MTOR: variants seen among roughly 807,000 people sequenced by gnomAD.
MTOR encodes the protein mechanistic target of rapamycin kinase.
Under a neutral mutation model 319.8 loss-of-function variants are expected in MTOR, and 70 were observed. The observed-to-expected ratio is 0.22, with a 90% CI of 0.18 to 0.27. The LOEUF (loss-of-function observed/expected upper bound fraction) is 0.27, where lower values mean the gene tolerates loss of function less well. MTOR is among the 10% of genes least tolerant of loss of function. The pLI is 1.00. For synonymous variants in MTOR, 1,183 were observed against 1,211.4 expected, an observed-to-expected ratio of 0.98 and a Z score of 0.49; for missense variants, 1,890 against 3,274.4, an observed-to-expected ratio of 0.58 and a Z score of 10.32.
In MTOR at chr1:11,146,518, T is replaced by C. The variant is rs569046922; in HGVS notation, c.4686+158A>G. Reference sequence around the variant, plus strand: ...GTAGCCCCAGCTGACCTGCTGGCAGTCTTCTGAGTACAATGAATCAAAACC... The same window carrying C: ...GTAGCCCCAGCTGACCTGCTGGCAGCCTTCTGAGTACAATGAATCAAAACC... On this transcript the variant is annotated intron_variant, in intron 32 of 57. Coordinates refer to ENST00000361445, the MANE Select transcript of MTOR (RefSeq NM_004958.4). Among the ~76,000 whole-genome samples the C allele has an allele frequency of 3.3e-5, 5 of 152,292 alleles. No homozygotes were observed. The South Asian group carries it at 1.0e-3, about 32-fold the overall frequency.
chr1:11,132,822 A>G (rs1643224713), intron 38 of MTOR: 1 of 405,732 alleles, frequency 2.5e-6, no homozygotes, highest in East Asian at 4.2e-5. Flanking sequence ...AGAGTCTGTA[A>G]GACAGCAGCA....
rs1646350362 is a variant in MTOR, at chr1:11,212,702, A to G, written c.3398+94T>C. The G allele has an allele frequency of 1.6e-6, 2 of 1,252,800 alleles. No homozygotes were observed. The highest frequency in any genetic ancestry group is 2.3e-6 in the Non-Finnish European group (2 of 878,214). The allele number at this position is 1,252,800 out of a possible 1,614,324, so 77.6% of individuals were successfully genotyped here. ...AATAATGTGAGTTGAAATAACAAAA[A>G]AAATAGAAAGATGGCCTGGGAACTT... On this transcript the variant is annotated intron_variant, in intron 22 of 57. Coordinates refer to ENST00000361445, the MANE Select transcript of MTOR (RefSeq NM_004958.4). The surrounding 1 kb of genome is among the most constrained non-coding windows in gnomAD (Gnocchi z 4.1).
In MTOR at chr1:11,130,693, G is replaced by A. The variant is rs530590604; in HGVS notation, c.5449C>T (p.Leu1817=). ...ATGTTGGCCCCGCTGGCATGACGCA[G>A]TTTCTTCTTCTCATCGCGGGCTTGG... ...QNQARDEKKK[L]RHASGANITN... Residue 1817 remains leucine (L), a synonymous_variant, in exon 39 of 58, where the codon CTG becomes TTG. Transcript: ENST00000361445. 5.6e-6 allele frequency: 9 copies of A among 1,609,386 alleles called. No homozygotes were observed. The South Asian group carries it at 1.0e-4, about 18-fold the overall frequency.
intron 49 of MTOR, 70 bp from the exon 50 acceptor site, chr1:11,117,156 A>G: frequency 7.9e-7 from 1 of 1,271,572 alleles, no homozygotes; most frequent in Non-Finnish European, 1.1e-6. Context: ...TACTCTAATA[A>G]GCTGTCTTTG....
At position 11,146,740 on chromosome 1, in the gene MTOR, T is replaced by C; in HGVS notation, c.4622A>G (p.His1541Arg). The C allele has an allele frequency of 6.2e-7, 1 of 1,614,180 alleles. No individual in the cohort carries two copies. Among genetic ancestry groups the C allele is most frequent in the Non-Finnish European group, 8.5e-7 (1 of 1,180,030 alleles). The change falls in exon 32 of 58, where the codon CAT becomes CGT. Residue 1541 changes from histidine (H) to arginine (R), a missense_variant. Physicochemically the swap from His to Arg is conservative, Grantham distance 29 (BLOSUM62 0). This residue lies in a region of MTOR where 276 missense variants were observed against 459.4 expected (regional missense o/e 0.60). Transcript: ENST00000361445. The stretch of plus-strand genomic sequence containing the variant: ...CACAGCTCTATAAAATGCCCCATCA[T>C]GGGTGTCCCGAGGGATCATACAGGT... The part of the protein sequence containing the change: ...EYTCMIPRDT[H>R]DGAFYRAVLA...
In MTOR at chr1:11,197,835, G is replaced by A. The variant is rs368247418; in HGVS notation, c.4253+1423C>T. 2.4e-4 allele frequency among the ~76,000 whole-genome samples: 37 copies of A among 152,262 alleles called. No homozygotes were observed. The South Asian group carries it at 3.7e-3, about 15-fold the overall frequency. ...TGGGATTACAGGTGTGAACTACCCC[G>A]CCCGGCCTGGAACAGCGTTTTAAAC... On this transcript the variant is annotated intron_variant, in intron 28 of 57. Transcript: ENST00000361445.
intron 19 of MTOR, among the ~76,000 whole-genome samples, chr1:11,222,414 G>T (rs1262206907): frequency 2.6e-5 from 4 of 152,126 alleles, no homozygotes; most frequent in African/African-American, 9.7e-5. Flanking sequence ...AGCCAGGATG[G>T]TCTTGATCTC....
chr1:11,243,762 A>AT (rs929294930), intron 8 of MTOR, among the ~76,000 whole-genome samples: 28 of 152,146 alleles, frequency 1.8e-4, no homozygotes, highest in African/African-American at 6.8e-4. Context: ...TTACTGTTAC[A>AT]TTTTCACACA....
chr1:11,259,625 T>G (rs1056001615), intron 1 of MTOR, among the ~76,000 whole-genome samples: 1 of 152,028 alleles, frequency 6.6e-6, no homozygotes, highest in African/African-American at 2.4e-5. Flanking sequence ...GGCAGTGTAG[T>G]AGGGAGGTTA....
Position 11,193,734 on chromosome 1 carries a change from G to A in MTOR, c.4253+5524C>T, listed in dbSNP as rs755941679. ...TGGCTGGGGAACGAACACATCCACCGGCTCTCCAGACAGCCAACCCGGCTG... is the reference window on the plus strand; with the variant it reads ...TGGCTGGGGAACGAACACATCCACCAGCTCTCCAGACAGCCAACCCGGCTG... On this transcript the variant is annotated intron_variant, in intron 28 of 57. Coordinates refer to ENST00000361445, the MANE Select transcript of MTOR (RefSeq NM_004958.4). The A allele has an allele frequency of 2.5e-5, 41 of 1,614,004 alleles. No homozygotes were observed. The highest frequency in any genetic ancestry group is 2.2e-4 in the Admixed American group (13 of 59,992).
chr1:11,173,000 T>C (rs114484951), intron 28 of MTOR, among the ~76,000 whole-genome samples: 1,672 of 148,624 alleles, frequency 0.011, 33 homozygotes, highest in African/African-American at 0.039. Flanking sequence ...TCTCTTTTCT[T>C]TTTTTTTTTT....
At chr1:11,255,086 G>T (rs915904061) in intron 5 of MTOR, among the ~76,000 whole-genome samples, 1 of 152,094 alleles carries the variant, frequency 6.6e-6, no homozygotes, top group South Asian at 2.1e-4. Context: ...TTATTAATAA[G>T]AAGAAGGTAC....
At chr1:11,137,402 G>A (rs1231372508) in intron 36 of MTOR, among the ~76,000 whole-genome samples, 2 of 152,106 alleles carry the variant, frequency 1.3e-5, no homozygotes, top group African/African-American at 4.8e-5. Flanking sequence ...TGGGGAGGCT[G>A]GGTATTAAGT....
chr1:11,206,348 A>T (rs972972113), intron 25 of MTOR, among the ~76,000 whole-genome samples: 1 of 152,220 alleles, frequency 6.6e-6, no homozygotes, highest in African/African-American at 2.4e-5. Flanking sequence ...AATTCAACAC[A>T]GTGGTTAAGA....
At chr1:11,119,955 C>T (rs983769745) in intron 49 of MTOR, among the ~76,000 whole-genome samples, 2 of 150,054 alleles carry the variant, frequency 1.3e-5, no homozygotes, top group Non-Finnish European at 3.0e-5. Flanking sequence ...GTAGGCCGGG[C>T]GTGGTGGCTC....
intron 49 of MTOR, among the ~76,000 whole-genome samples, chr1:11,118,188 T>C (rs1223354460): frequency 1.3e-5 from 2 of 151,050 alleles, no homozygotes; most frequent in Non-Finnish European, 2.9e-5. Context: ...TAGTCATGTT[T>C]AAAAAAATAA....
chr1:11,172,853 ACT>A, intron 28 of MTOR, among the ~76,000 whole-genome samples: 1 of 106,278 alleles, frequency 9.4e-6, no homozygotes, highest in Middle Eastern at 4.8e-3. Context: ...AAAAAGCAAG[ACT>A]CTGTCTCAAA....
chr1:11,178,256 C>G (rs1194524124), intron 28 of MTOR, among the ~76,000 whole-genome samples: 1 of 152,286 alleles, frequency 6.6e-6, no homozygotes, highest in South Asian at 2.1e-4. Flanking sequence ...GGCAAGCTGG[C>G]CCATTTGACT....
rs547876038 is a variant in MTOR, at chr1:11,196,787, G to A, written c.4253+2471C>T. Among the ~76,000 whole-genome samples the A allele has an allele frequency of 3.9e-5, 6 of 151,926 alleles. No individual in the cohort carries two copies. The South Asian group carries it at 1.3e-3, about 32-fold the overall frequency. On this transcript the variant is annotated intron_variant, in intron 28 of 57. Transcript: ENST00000361445. ...GAATCGCTTGCATCTAGGAGGTGGAGGTTGCAGTGAGCCAAGATTGTGCCA... is the reference window on the plus strand; with the variant it reads ...GAATCGCTTGCATCTAGGAGGTGGAAGTTGCAGTGAGCCAAGATTGTGCCA...
Sources: gnomAD v4.1 joint callset for allele counts (sites outside exome capture counted in the v4.1 genomes callset) on GRCh38, gnomAD v4.1.1 for gene constraint, gnomAD v4.1.1 regional missense constraint, Gnocchi (gnomAD v3.1) non-coding constraint, MANE v1.5 for transcripts, NCBI Gene and HGNC (gene_info 2026-07-23, HGNC 2026-07-21) for gene names.